DNAH17: variants seen among roughly 807,000 people sequenced by gnomAD.
DNAH17 encodes the protein dynein axonemal heavy chain 17.
Under a neutral mutation model 485.6 loss-of-function variants are expected in DNAH17, and 376 were observed. The ratio of observed to expected loss-of-function variants is 0.77; its 90% CI spans 0.71 to 0.84. The LOEUF is 0.84. Among genes scored for constraint, DNAH17 ranks in the 40% least tolerant of loss-of-function variants. The pLI is 0.00. For synonymous variants in DNAH17, 3,031 were observed against 2,405.9 expected (o/e 1.26, Z -7.60); for missense variants, 6,370 against 5,839.3 (o/e 1.09, Z -2.96).
chr17:78,470,455 C>T (rs969148600), intron 54 of DNAH17, among the ~76,000 whole-genome samples: 1 of 151,444 alleles, frequency 6.6e-6, no homozygotes, highest in Non-Finnish European at 1.5e-5. Context: ...TTTGGGAGGC[C>T]GAGGAGGGTG....
At chr17:78,440,905 T>C (rs1256044173) in intron 72 of DNAH17, 146 bp downstream of exon 72, 11 of 1,001,906 alleles carry the variant, frequency 1.1e-5, no homozygotes, top group South Asian at 3.2e-5. Context: ...TATTTTCCTG[T>C]TCTTGATCAT....
At position 78,438,714 on chromosome 17, in the gene DNAH17, G is replaced by A. The variant is rs560444878; in HGVS notation, c.11805+376C>T. Among the ~76,000 whole-genome samples the A allele has an allele frequency of 5.9e-5, 9 of 151,954 alleles. No homozygotes were observed. In the South Asian group the frequency reaches 1.2e-3, roughly 21 times the overall value. On this transcript the variant is annotated intron_variant, in intron 73 of 80. Transcript: ENST00000389840. ...GGGTTTCGCCATGTTGGTCAGGCTG[G>A]TCTCGAACTCCTGACCTCAGGTGAT...
chr17:78,560,826 C>CCA lies in DNAH17; in HGVS notation c.1943_1944dup (p.Asp649TrpfsTer13). ...CCCAGGTTAAAGTGGCAGTCCTGGT[C>CCA]CACGCCCGCCACCCACTGCTGGTAG... On this transcript the variant is annotated frameshift_variant, in exon 13 of 81. Transcript: ENST00000389840. LOFTEE classifies it high-confidence loss of function. 1.3e-6 allele frequency: 2 copies of CCA among 1,551,828 alleles called. No homozygotes were observed. Among genetic ancestry groups the CCA allele is most frequent in the East Asian group, 2.4e-5 (1 of 40,922 alleles).
chr17:78,508,004 T>C (rs1332956274), intron 27 of DNAH17, among the ~76,000 whole-genome samples, 199 bp from the exon 28 acceptor site: 1 of 152,082 alleles, frequency 6.6e-6, no homozygotes, highest in Non-Finnish European at 1.5e-5. Context: ...TCTCTGTCCA[T>C]ATAATGGAAC....
In DNAH17 at chr17:78,479,631, C is replaced by T. The variant is rs778812435; in HGVS notation, c.7754G>A (p.Arg2585His). Residue 2585 changes from arginine (R) to histidine (H), a missense_variant and splice_region_variant, in exon 50 of 81, where the codon CGC (arginine) becomes CAC (histidine). Arg to His is a conservative substitution (Grantham distance 29, BLOSUM62 0). Coordinates refer to ENST00000389840, the MANE Select transcript of DNAH17 (RefSeq NM_173628.4). ...GSFTIDSRLQRHFCVFAVSFP... is the reference protein window; with the variant it reads ...GSFTIDSRLQHHFCVFAVSFP... ...GCTCACAGCAAACACGCAGAAATGG[C>T]GCTACCCCAAAACAACCAAACACTC... 1.9e-6 allele frequency: 3 copies of T among 1,612,510 alleles called. No homozygotes were observed. The highest frequency in any genetic ancestry group is 2.2e-5 in the East Asian group (1 of 44,848).
At chr17:78,567,316 T>A (rs1410607436) in intron 9 of DNAH17, 150 bp from the exon 10 acceptor site, 1 of 724,142 alleles carries the variant, frequency 1.4e-6, no homozygotes, top group Non-Finnish European at 2.3e-6. Context: ...ACACCCTCTG[T>A]GTCTGTGCTG....
chr17:78,503,099 A>C, intron 31 of DNAH17, 88 bp from the exon 32 acceptor site: 1 of 1,463,152 alleles, frequency 6.8e-7, no homozygotes, highest in South Asian at 1.4e-5. Flanking sequence ...GTAAAGAAAA[A>C]CATTTCTCAT....
At position 78,449,476 on chromosome 17, in the gene DNAH17, A is replaced by G. The variant is rs748553565; in HGVS notation, c.11149T>C (p.Tyr3717His). The G allele has an allele frequency of 5.7e-6, 9 of 1,566,376 alleles. No individual in the cohort carries two copies. The highest frequency in any genetic ancestry group is 2.4e-5 in the East Asian group (1 of 42,310). Residue 3717 changes from tyrosine (Y) to histidine (H), a missense_variant, in exon 69 of 81, where the codon TAC becomes CAC. Tyr to His is a moderately conservative substitution (Grantham distance 83, BLOSUM62 2). Transcript: ENST00000389840. ...TDEITYSVYM[Y>H]TARGLFERDK... ...CTCTCGAAGAGTCCCCGGGCCGTGTACATGTAGACGGAGTAGGTGATCTCG... is the reference window on the plus strand; with the variant it reads ...CTCTCGAAGAGTCCCCGGGCCGTGTGCATGTAGACGGAGTAGGTGATCTCG...
chr17:78,539,413 C>G (rs746549896), intron 18 of DNAH17, among the ~76,000 whole-genome samples: 1 of 152,106 alleles, frequency 6.6e-6, no homozygotes, highest in Non-Finnish European at 1.5e-5. Flanking sequence ...TCCCCCCAAT[C>G]CACATGAGTA....
In DNAH17 at chr17:78,502,028, A is replaced by G. The variant is rs1036997116; in HGVS notation, c.5191-155T>C. 8.4e-6 allele frequency: 9 copies of G among 1,076,102 alleles called. No individual in the cohort carries two copies. The East Asian group carries it at 2.1e-4, about 25-fold the overall frequency. 66.7% of individuals were successfully genotyped at this position (1,076,102 alleles called of 1,614,324 possible). A position where few individuals can be genotyped will look rare whatever the true frequency, so the allele number is the denominator to read the frequency against. ...CGCCCTCGGTAGGCCCCAGCCAGGC[A>G]CTGGTTTCACCAGGGTGCGGCCCTG... On this transcript the variant is annotated intron_variant, in intron 33 of 80. Coordinates refer to ENST00000389840, the MANE Select transcript of DNAH17 (RefSeq NM_173628.4).
rs764834527 is a variant in DNAH17, at chr17:78,501,733, CG to C, written c.5322+8del. 2 of 1,611,484 alleles carry C rather than the reference CG, an allele frequency of 1.2e-6. No individual in the cohort carries two copies. Among genetic ancestry groups the C allele is most frequent in the Non-Finnish European group, 1.7e-6 (2 of 1,179,556 alleles). On this transcript the variant is annotated splice_region_variant and intron_variant, in intron 34 of 80. Coordinates refer to ENST00000389840, the MANE Select transcript of DNAH17 (RefSeq NM_173628.4). ...CTTCCCCTGGCCCCTGGGACAGGGG[CG>C]CTCATGCCTTGGCCACGATCATTTT...
At position 78,439,190 on chromosome 17, in the gene DNAH17, T is replaced by C. The variant is rs987422092; in HGVS notation, c.11705A>G (p.Asn3902Ser). The C allele has an allele frequency of 1.2e-5, 20 of 1,610,092 alleles. No homozygotes were observed. Among genetic ancestry groups the C allele is most frequent in the African/African-American group, 2.7e-5 (2 of 74,702 alleles). Residue 3902 changes from asparagine (N) to serine (S), a missense_variant, in exon 73 of 81, where the codon AAT (asparagine) becomes AGT (serine). Transcript: ENST00000389840. Reference sequence around the variant, plus strand: ...CAGGGACACATTATGGAGTTTTCCATTGTCTATGGTAAACCCTAGTTTTTT... The same window carrying C: ...CAGGGACACATTATGGAGTTTTCCACTGTCTATGGTAAACCCTAGTTTTTT... Reference protein sequence around the residue: ...LGKKLGFTIDNGKLHNVSLGQ... With the variant: ...LGKKLGFTIDSGKLHNVSLGQ...
At chr17:78,510,626 G>C (rs1306261535) in intron 26 of DNAH17, 120 bp from the exon 27 acceptor site, 10 of 1,378,356 alleles carry the variant, frequency 7.3e-6, no homozygotes. Context: ...GCTGGAGGGA[G>C]GGAGGCGAGC....
At chr17:78,524,728 G>A (rs191644581) in intron 25 of DNAH17, among the ~76,000 whole-genome samples, 1 of 152,006 alleles carries the variant, frequency 6.6e-6, no homozygotes, top group Non-Finnish European at 1.5e-5. Flanking sequence ...ATGTGAGAGA[G>A]AATGAGAGGA....
At chr17:78,454,364 G>A (rs974961345) in intron 64 of DNAH17, 106 bp downstream of exon 64, 5 of 816,624 alleles carry the variant, frequency 6.1e-6, no homozygotes, top group East Asian at 2.7e-5. Context: ...CTGTGGGCTA[G>A]TACTTGTATT....
At chr17:78,494,850 G>A (rs750323204) in intron 39 of DNAH17, 30 bp from the exon 40 acceptor site, 38 of 1,577,646 alleles carry the variant, frequency 2.4e-5, no homozygotes, top group African/African-American at 2.2e-4. Flanking sequence ...GTGGGCAGAC[G>A]TGAGCTCACC....
chr17:78,501,160 G>C (rs1357994354), intron 35 of DNAH17, 24 bp downstream of exon 35: 1 of 1,558,370 alleles, frequency 6.4e-7, no homozygotes, highest in Non-Finnish European at 8.8e-7. Context: ...GAGCACATGT[G>C]AGTTACTCAG....
chr17:78,462,243 G>A lies in DNAH17; in HGVS notation c.9175-535C>T, dbSNP rs80291151. On this transcript the variant is annotated intron_variant, in intron 57 of 80. Coordinates refer to ENST00000389840, the MANE Select transcript of DNAH17 (RefSeq NM_173628.4). The stretch of plus-strand genomic sequence containing the variant: ...TCCAGGCTGGTGGGAGAGTGACAGC[G>A]AGAGTTTGGTAGGGGGGTGGGGGGG... Among the ~76,000 whole-genome samples, 1,240 of 141,828 alleles carry A rather than the reference G, an allele frequency of 8.7e-3. 33 individuals are homozygous for A. Among genetic ancestry groups the A allele is most frequent in the East Asian group, 0.084 (372 of 4,412 alleles). The allele number at this position is 141,828 out of a possible 152,430, so 93.0% of individuals were successfully genotyped here.
At position 78,479,535 on chromosome 17, in the gene DNAH17, A is replaced by G. The variant is rs1266895317; in HGVS notation, c.7850T>C (p.Val2617Ala). The G allele has an allele frequency of 7.4e-6, 12 of 1,613,434 alleles. No homozygotes were observed. Among genetic ancestry groups the G allele is most frequent in the Non-Finnish European group, 8.5e-6 (10 of 1,179,884 alleles). Residue 2617 changes from valine to alanine, a missense_variant, in exon 50 of 81, where the codon GTC becomes GCC. Val to Ala is a moderately conservative substitution (Grantham distance 64, BLOSUM62 0). Coordinates refer to ENST00000389840, the MANE Select transcript of DNAH17 (RefSeq NM_173628.4). ...ILTQHLAFRS[V>A]SMAIQRISSQ... ...GCTTATCCTCTGGATAGCCATGGAG[A>G]CCGAGCGGAAGGCCAGGTGCTGCGT...
Sources: gnomAD v4.1 joint callset for allele counts (sites outside exome capture counted in the v4.1 genomes callset) on GRCh38, gnomAD v4.1.1 for gene constraint, MANE v1.5 for transcripts, NCBI Gene and HGNC (gene_info 2026-07-23, HGNC 2026-07-21) for gene names.